Variants in PARD3B observed in about 807,000 individuals in gnomAD.
PARD3B encodes the protein par-3 family cell polarity regulator beta.
PARD3B carries 103 observed loss-of-function variants against 130.2 expected under a neutral mutation model. The ratio of observed to expected loss-of-function variants is 0.79; its 90% CI spans 0.67 to 0.93. PARD3B has a LOEUF of 0.93. Ranked by LOEUF, PARD3B falls within the 40% of genes least tolerant of loss-of-function variation. PARD3B has a pLI of 0.00. For missense variants in PARD3B, 1,609 were observed against 1,499.2 expected (o/e 1.07, Z -1.21); for synonymous variants, 583 against 553.2 (o/e 1.05, Z -0.76).
At chr2:205,148,946 G>C (rs1159764686) in intron 10 of PARD3B, among the ~76,000 whole-genome samples, 1 of 152,190 alleles carries the variant, frequency 6.6e-6, no homozygotes, top group Non-Finnish European at 1.5e-5. Flanking sequence ...GATGCTTTCA[G>C]GTCTGAGCTG....
intron 2 of PARD3B, among the ~76,000 whole-genome samples, chr2:204,710,068 T>G (rs899563200): frequency 1.3e-5 from 2 of 152,242 alleles, no homozygotes; most frequent in African/African-American, 2.4e-5. Context: ...ACCTGTCTAT[T>G]TAATACTTCT....
chr2:204,889,514 A>G (rs193076670), intron 2 of PARD3B, among the ~76,000 whole-genome samples: 63 of 152,266 alleles, frequency 4.1e-4, no homozygotes, highest in African/African-American at 1.4e-3. Context: ...TAAACCAAAC[A>G]AAGTAGGGGG....
At chr2:205,340,747 G>A (rs1274067361) in intron 18 of PARD3B, among the ~76,000 whole-genome samples, 2 of 152,006 alleles carry the variant, frequency 1.3e-5, no homozygotes, top group Non-Finnish European at 2.9e-5. Context: ...TAGACAAATG[G>A]GATTATAGTT....
chr2:204,818,049 A>G (rs534669743), intron 2 of PARD3B, among the ~76,000 whole-genome samples: 14 of 152,172 alleles, frequency 9.2e-5, no homozygotes, highest in Non-Finnish European at 1.9e-4. Context: ...GTCCCTCTTT[A>G]TTTATCAGTG....
intron 4 of PARD3B, among the ~76,000 whole-genome samples, chr2:205,063,111 T>C (rs1353610171): frequency 1.3e-5 from 2 of 152,080 alleles, no homozygotes; most frequent in Non-Finnish European, 2.9e-5. Context: ...TTTGGGATAG[T>C]AGTTACAGAA....
intron 2 of PARD3B, among the ~76,000 whole-genome samples, chr2:204,829,969 A>G (rs1181767553): frequency 7.2e-6 from 1 of 138,314 alleles, no homozygotes; most frequent in Non-Finnish European, 1.5e-5. Flanking sequence ...ACTGCACTCC[A>G]GCCTGGGCGA....
chr2:205,045,795 A>G (rs761785766), intron 3 of PARD3B, among the ~76,000 whole-genome samples: 32 of 152,116 alleles, frequency 2.1e-4, no homozygotes, highest in East Asian at 3.9e-4. Context: ...ACATACATAT[A>G]TATACATATA....
chr2:204,963,795 G>A (rs1690957736), intron 2 of PARD3B, among the ~76,000 whole-genome samples: 1 of 152,144 alleles, frequency 6.6e-6, no homozygotes, highest in Non-Finnish European at 1.5e-5. Context: ...GAAAATGCAT[G>A]TGCTCAATTT....
chr2:205,191,866 G>A (rs1041891400), intron 14 of PARD3B, among the ~76,000 whole-genome samples: 1 of 152,066 alleles, frequency 6.6e-6, no homozygotes, highest in Non-Finnish European at 1.5e-5. Flanking sequence ...CTGGGGGAGG[G>A]TGGAGGAGAT....
chr2:205,531,197 G>T (rs1289304238), intron 21 of PARD3B, among the ~76,000 whole-genome samples: 13 of 152,044 alleles, frequency 8.6e-5, no homozygotes. Flanking sequence ...ATCAAGAGGG[G>T]AACTGCAAAT....
rs1255623168 is a variant in PARD3B at position 204,553,677 on chromosome 2, T to TCC, written c.120+7558_120+7559insCC. Among the ~76,000 whole-genome samples the TCC allele has an allele frequency of 2.6e-3, 308 of 119,146 alleles. 2 individuals carry two copies. The highest frequency in any genetic ancestry group is 0.012 in the African/African-American group (292 of 25,066). 78.2% of individuals were successfully genotyped at this position (119,146 alleles called of 152,430 possible). A position where few individuals can be genotyped will look rare whatever the true frequency, so the allele number is the denominator to read the frequency against. On this transcript the variant is annotated intron_variant, in intron 1 of 22. Coordinates refer to ENST00000406610, the MANE Select transcript of PARD3B (RefSeq NM_001302769.2). ...ATATATATATATATATATATATATATATATATATATATATATATACACACA... is the reference window on the plus strand; with the variant it reads ...ATATATATATATATATATATATATATCCATATATATATATATATATACACACA...
Position 205,125,822 on chromosome 2 carries a change from C to A in PARD3B, c.1434+85C>A. On this transcript the variant is annotated intron_variant, in intron 10 of 22. Transcript: ENST00000406610. The surrounding 1 kb of genome is among the most constrained non-coding windows in gnomAD (Gnocchi z 4.0). ...ACTCATTATAGCTGAGAAACGAGTT[C>A]TAAATCACAGGCTTCATTCATAACC... 1 of 1,513,270 alleles carries A rather than the reference C, an allele frequency of 6.6e-7. No individual in the cohort carries two copies. The highest frequency in any genetic ancestry group is 9.0e-7 in the Non-Finnish European group (1 of 1,117,014). The allele number at this position is 1,513,270 out of a possible 1,614,324, so 93.7% of individuals were successfully genotyped here.
In PARD3B at chr2:205,615,664, C is replaced by T; in HGVS notation, c.3469C>T (p.Gln1157Ter). 1.2e-6 allele frequency: 2 copies of T among 1,614,124 alleles called. No individual in the cohort carries two copies. The highest frequency in any genetic ancestry group is 1.7e-6 in the Non-Finnish European group (2 of 1,180,016). Reference protein sequence around the residue: ...PAPQHKGPFRQDVPPSPPQHQ... With the variant: ...PAPQHKGPFR ...TCCCCAGCACAAAGGACCCTTTCGA[C>T]AAGACGTTCCGCCTTCCCCTCCCCA... is the stretch of plus-strand genomic sequence containing the variant. The change falls in exon 23 of 23, where the codon CAA (glutamine) becomes TAA (stop). Residue 1157 changes from glutamine to a stop codon, truncating the protein, a stop_gained. Transcript: ENST00000406610. LOFTEE classifies it high-confidence loss of function.
intron 22 of PARD3B, among the ~76,000 whole-genome samples, chr2:205,556,385 G>C (rs2052887432): frequency 6.6e-6 from 1 of 152,166 alleles, no homozygotes; most frequent in Non-Finnish European, 1.5e-5. Context: ...ACAGCACATG[G>C]AGTAGGTGAG....
intron 15 of PARD3B, among the ~76,000 whole-genome samples, chr2:205,216,490 A>T (rs2037917670): frequency 6.6e-6 from 1 of 152,190 alleles, no homozygotes; most frequent in South Asian, 2.1e-4. Context: ...CTTTACCACA[A>T]ATATGTATTA....
intron 22 of PARD3B, among the ~76,000 whole-genome samples, chr2:205,576,979 T>G (rs1342032502): frequency 6.6e-6 from 1 of 152,230 alleles, no homozygotes; most frequent in Non-Finnish European, 1.5e-5. Flanking sequence ...TCATCAGAAT[T>G]TCGTAATTTT....
intron 2 of PARD3B, among the ~76,000 whole-genome samples, chr2:204,864,340 A>G (rs1234332424): frequency 6.6e-6 from 1 of 152,154 alleles, no homozygotes; most frequent in African/African-American, 2.4e-5. Context: ...GGACTTGAAA[A>G]GCCCCAAATG....
At chr2:204,950,055 A>T (rs1318223788) in intron 2 of PARD3B, among the ~76,000 whole-genome samples, 1 of 152,210 alleles carries the variant, frequency 6.6e-6, no homozygotes, top group Admixed American at 6.5e-5. Flanking sequence ...CAATTCCTTC[A>T]TGTCCAAGCC....
intron 2 of PARD3B, among the ~76,000 whole-genome samples, chr2:204,896,802 C>T (rs965398231): frequency 3.3e-5 from 5 of 152,168 alleles, no homozygotes; most frequent in Non-Finnish European, 7.3e-5. Context: ...TTGTTAACTT[C>T]CTTATTCTGA....
Sources: allele counts gnomAD v4.1 joint callset (sites outside exome capture counted in the v4.1 genomes callset), GRCh38; gene constraint gnomAD v4.1.1; non-coding constraint Gnocchi (gnomAD v3.1); transcripts MANE v1.5; gene names NCBI Gene and HGNC (gene_info 2026-07-23, HGNC 2026-07-21).